NTM: variants seen among roughly 807,000 people sequenced by gnomAD.
NTM encodes the protein neurotrimin.
NTM carries 13 observed loss-of-function variants against 42.1 expected under a neutral mutation model. That is an observed-to-expected ratio of 0.31 (90% CI 0.20 to 0.49). The LOEUF (loss-of-function observed/expected upper bound fraction) is 0.49, where lower values mean the gene tolerates loss of function less well. NTM is among the 20% of genes least tolerant of loss of function. NTM has a pLI of 0.99. For synonymous variants in NTM, 187 were observed against 179.2 expected, an observed-to-expected ratio of 1.04 and a Z score of -0.35; for missense variants, 373 against 452.8, an observed-to-expected ratio of 0.82 and a Z score of 1.60.
At chr11:131,774,663 C>T (rs773879171) in intron 1 of NTM, among the ~76,000 whole-genome samples, 1 of 152,184 alleles carries the variant, frequency 6.6e-6, no homozygotes, top group African/African-American at 2.4e-5. Context: ...GTTTATTCTA[C>T]AACTTGCCAT....
At chr11:131,740,175 G>T (rs1020378990) in intron 1 of NTM, among the ~76,000 whole-genome samples, 4 of 152,178 alleles carry the variant, frequency 2.6e-5, no homozygotes, top group Admixed American at 2.6e-4. Flanking sequence ...CATGGGCTAC[G>T]TTGTAAGAGT....
chr11:132,006,162 G>A lies in NTM; in HGVS notation c.167+94514G>A, dbSNP rs572570557. Among the ~76,000 whole-genome samples, 274 of 152,300 alleles carry A rather than the reference G, an allele frequency of 1.8e-3. 2 individuals are homozygous for A. Among genetic ancestry groups the A allele is most frequent in the South Asian group, 2.5e-3 (12 of 4,830 alleles). ...GTGCTTGGTGTTCGCATTCAAGGAT[G>A]TGTAGGAGTTGACAGAAATCTACCT... On this transcript the variant is annotated intron_variant, in intron 2 of 8. Coordinates refer to ENST00000683400, the MANE Select transcript of NTM (RefSeq NM_001352005.2).
chr11:131,485,444 T>C (rs1954068513), intron 1 of NTM, among the ~76,000 whole-genome samples: 1 of 152,148 alleles, frequency 6.6e-6, no homozygotes, highest in Admixed American at 6.5e-5. Flanking sequence ...CCCCATCCAA[T>C]CTAATCTCAA....
At chr11:132,275,805 C>A (rs770719354) in intron 4 of NTM, among the ~76,000 whole-genome samples, 3 of 139,518 alleles carry the variant, frequency 2.2e-5, no homozygotes, top group Non-Finnish European at 3.1e-5. Flanking sequence ...GTATAGCCAT[C>A]GCCTCATGTA....
At chr11:131,801,260 T>C (rs2092082630) in intron 1 of NTM, among the ~76,000 whole-genome samples, 1 of 152,198 alleles carries the variant, frequency 6.6e-6, no homozygotes, top group Admixed American at 6.5e-5. Flanking sequence ...AGAATGCTAT[T>C]TGTCCTTCTG....
In NTM at chr11:131,370,840, A is replaced by G. The variant is rs761196026; in HGVS notation, c.34A>G (p.Ile12Val). The change falls in exon 1 of 9, where the codon ATC (isoleucine) becomes GTC (valine). Residue 12 changes from isoleucine to valine, a missense_variant. Ile to Val is a conservative substitution (Grantham distance 29, BLOSUM62 3). Transcript: ENST00000683400. ...KTIQPKMHNS[I>V]SWAIFTGLAA... ...CATCCAGCCAAAAATGCACAATTCT[A>G]TCTCTTGGGCAATCTTCACGGGGCT... 7 of 1,614,172 alleles carry G rather than the reference A, an allele frequency of 4.3e-6. No homozygotes were observed. Among genetic ancestry groups the G allele is most frequent in the South Asian group, 2.2e-5 (2 of 91,082 alleles).
chr11:131,448,263 T>C (rs1424158683), intron 1 of NTM, among the ~76,000 whole-genome samples: 1 of 152,214 alleles, frequency 6.6e-6, no homozygotes, highest in South Asian at 2.1e-4. Context: ...AGCTGCACCA[T>C]CTTCTTCTCT....
At chr11:131,548,778 T>C (rs780363537) in intron 1 of NTM, among the ~76,000 whole-genome samples, 2 of 152,088 alleles carry the variant, frequency 1.3e-5, no homozygotes, top group Non-Finnish European at 2.9e-5. Context: ...AGCACGTACA[T>C]GGAATGAAAA....
chr11:132,160,659 C>T (rs1423503619), intron 3 of NTM, among the ~76,000 whole-genome samples: 1 of 152,162 alleles, frequency 6.6e-6, no homozygotes, highest in Non-Finnish European at 1.5e-5. Context: ...GAGAGCTGGG[C>T]TGAATACCAG....
chr11:131,566,092 C>T (rs2056851404), intron 1 of NTM, among the ~76,000 whole-genome samples: 1 of 152,182 alleles, frequency 6.6e-6, no homozygotes. Flanking sequence ...CTGACTTGTG[C>T]TCTTAACGTC....
At chr11:131,485,011 T>G (rs925336086) in intron 1 of NTM, among the ~76,000 whole-genome samples, 3 of 152,234 alleles carry the variant, frequency 2.0e-5, no homozygotes, top group Admixed American at 6.5e-5. Flanking sequence ...TGCTGACTCC[T>G]GCCTCAGAGA....
intron 1 of NTM, among the ~76,000 whole-genome samples, chr11:131,550,657 T>C (rs1592021090): frequency 6.6e-6 from 1 of 152,300 alleles, no homozygotes; most frequent in East Asian, 1.9e-4. Flanking sequence ...ACCCTTTTTT[T>C]CTTTATAAAT....
intron 7 of NTM, among the ~76,000 whole-genome samples, chr11:132,328,329 G>A: frequency 6.6e-6 from 1 of 152,106 alleles, no homozygotes; most frequent in East Asian, 1.9e-4. Context: ...AAAAGCCCAA[G>A]GATGAGTTCT....
At chr11:132,012,775 A>G (rs2072510043) in intron 2 of NTM, among the ~76,000 whole-genome samples, 1 of 152,208 alleles carries the variant, frequency 6.6e-6, no homozygotes, top group African/African-American at 2.4e-5. Context: ...GCTGTAGCCC[A>G]TCACAGAGTG....
chr11:131,525,918 C>T (rs899675848), intron 1 of NTM, among the ~76,000 whole-genome samples: 7 of 152,138 alleles, frequency 4.6e-5, no homozygotes, highest in Admixed American at 2.0e-4. Context: ...AACAAGTAAA[C>T]GTTTCTATGC....
chr11:132,270,640 T>A (rs2093429362), intron 4 of NTM, among the ~76,000 whole-genome samples: 1 of 150,238 alleles, frequency 6.7e-6, no homozygotes, highest in African/African-American at 2.4e-5. Flanking sequence ...TATGTCTTTA[T>A]AAATTTATTT....
chr11:131,525,639 C>T (rs560343918), intron 1 of NTM, among the ~76,000 whole-genome samples: 6 of 152,130 alleles, frequency 3.9e-5, no homozygotes, highest in African/African-American at 7.2e-5. Flanking sequence ...AAAGGTCATC[C>T]GACTACACTG....
chr11:131,925,932 C>T (rs920272397), intron 2 of NTM, among the ~76,000 whole-genome samples: 1 of 152,110 alleles, frequency 6.6e-6, no homozygotes, highest in Admixed American at 6.5e-5. Flanking sequence ...CTGCACAGTG[C>T]CTGGCACATA....
At chr11:132,107,339 C>CATTTTTT (rs2062514457) in intron 2 of NTM, among the ~76,000 whole-genome samples, 2 of 88,858 alleles carry the variant, frequency 2.3e-5, no homozygotes, top group African/African-American at 1.0e-4. Flanking sequence ...AAGATTTATC[C>CATTTTTT]TTTTTTTTTT....
Sources: gnomAD v4.1 joint callset for allele counts (sites outside exome capture counted in the v4.1 genomes callset) on GRCh38, gnomAD v4.1.1 for gene constraint, MANE v1.5 for transcripts, NCBI Gene and HGNC (gene_info 2026-07-23, HGNC 2026-07-21) for gene names.